The following NRG1 variants were observed in gnomAD, a reference collection of about 807,000 sequenced individuals.
The protein encoded by NRG1 is neuregulin 1, also known as pro-neuregulin-1, membrane-bound isoform.
Under a neutral mutation model 63.8 loss-of-function variants are expected in NRG1, and 18 were observed. The ratio of observed to expected loss-of-function variants is 0.28; its 90% CI spans 0.19 to 0.42. NRG1 has a LOEUF of 0.42. Among genes scored for constraint, NRG1 ranks in the 10% least tolerant of loss-of-function variants. The pLI, the probability that NRG1 is intolerant of heterozygous loss-of-function variation, is 1.00. For synonymous variants in NRG1, 302 were observed against 301.3 expected (o/e 1.00, Z -0.02); for missense variants, 762 against 814.7 (o/e 0.94, Z 0.79).
intron 1 of NRG1, among the ~76,000 whole-genome samples, chr8:31,919,841 ATATCT>A (rs1833753151): frequency 6.6e-6 from 1 of 152,174 alleles, no homozygotes; most frequent in South Asian, 2.1e-4. Flanking sequence ...GGTCCGGGTC[ATATCT>A]TATAATTTGT....
intron 1 of NRG1, among the ~76,000 whole-genome samples, chr8:32,290,337 A>G (rs1200865609): frequency 6.6e-6 from 1 of 152,190 alleles, no homozygotes; most frequent in Admixed American, 6.5e-5. Flanking sequence ...AATTATGTAT[A>G]CAATTATATA....
At chr8:31,914,744 T>C (rs1248683746) in intron 1 of NRG1, among the ~76,000 whole-genome samples, 1 of 150,968 alleles carries the variant, frequency 6.6e-6, no homozygotes, top group Non-Finnish European at 1.5e-5. Flanking sequence ...TCAAATAATC[T>C]TTTTTTTTCA....
intron 1 of NRG1, among the ~76,000 whole-genome samples, chr8:32,422,945 A>T (rs1816877049): frequency 6.6e-6 from 1 of 152,192 alleles, no homozygotes. Context: ...ACATGGTTTA[A>T]ATTACTCTCT....
At chr8:32,044,850 G>T (rs1820680544) in intron 1 of NRG1, among the ~76,000 whole-genome samples, 1 of 122,992 alleles carries the variant, frequency 8.1e-6, no homozygotes, top group African/African-American at 3.1e-5. Flanking sequence ...CTCATGTTAT[G>T]AGAAAATAAG....
intron 1 of NRG1, among the ~76,000 whole-genome samples, chr8:31,653,955 C>CTTT (rs35705418): frequency 6.8e-6 from 1 of 146,860 alleles, no homozygotes; most frequent in Non-Finnish European, 1.5e-5. Context: ...TCATGATGCG[C>CTTT]TTTTTTTTTT....
chr8:32,649,509 G>C (rs1353356315), intron 5 of NRG1, among the ~76,000 whole-genome samples: 1 of 152,108 alleles, frequency 6.6e-6, no homozygotes, highest in African/African-American at 2.4e-5. Context: ...AAAGCTCTTA[G>C]GGTTAAAAGA....
At chr8:32,119,229 T>C (rs1833129036) in intron 1 of NRG1, among the ~76,000 whole-genome samples, 2 of 152,116 alleles carry the variant, frequency 1.3e-5, no homozygotes, top group Non-Finnish European at 2.9e-5. Flanking sequence ...AAATCCTACC[T>C]ACAACCCATG....
chr8:32,629,053 T>G (rs958990483), intron 5 of NRG1, among the ~76,000 whole-genome samples: 1 of 152,152 alleles, frequency 6.6e-6, no homozygotes, highest in African/African-American at 2.4e-5. Context: ...TTTTTAAGGT[T>G]TCTAGAACAT....
chr8:32,048,801 T>G (rs899120993), intron 1 of NRG1, among the ~76,000 whole-genome samples: 1 of 151,964 alleles, frequency 6.6e-6, no homozygotes, highest in East Asian at 1.9e-4. Context: ...ATTTTGCCCG[T>G]TTTTTAATCG....
intron 1 of NRG1, among the ~76,000 whole-genome samples, chr8:32,430,241 T>C (rs761714345): frequency 4.6e-5 from 7 of 152,194 alleles, no homozygotes; most frequent in Non-Finnish European, 8.8e-5. Context: ...CCCTTCAAGA[T>C]GCCCTTAAGA....
chr8:32,183,065 T>C (rs1298304374), intron 1 of NRG1, among the ~76,000 whole-genome samples: 1 of 152,228 alleles, frequency 6.6e-6, no homozygotes, highest in East Asian at 1.9e-4. Context: ...CATAGTTAGA[T>C]TTCTCATTTT....
At chr8:31,662,054 G>A (rs1806042424) in intron 1 of NRG1, among the ~76,000 whole-genome samples, 1 of 152,210 alleles carries the variant, frequency 6.6e-6, no homozygotes, top group African/African-American at 2.4e-5. Context: ...CACACAATGG[G>A]CCTCAGGGAG....
chr8:32,348,710 G>A (rs1805220728), intron 1 of NRG1, among the ~76,000 whole-genome samples: 1 of 152,156 alleles, frequency 6.6e-6, no homozygotes, highest in African/African-American at 2.4e-5. Context: ...AGGTGAAATA[G>A]GCTATGTGTT....
At chr8:31,974,793 T>C (rs987865522) in intron 1 of NRG1, among the ~76,000 whole-genome samples, 1 of 152,232 alleles carries the variant, frequency 6.6e-6, no homozygotes, top group Non-Finnish European at 1.5e-5. Context: ...TCTTTGGTTA[T>C]TTTAAAGCTG....
Position 32,742,004 on chromosome 8 carries a change from C to A in NRG1, c.633-671C>A. ...TTTTTGCTTACCACATTTTTGCCCT[C>A]TAGGTGCCAACCTGGATTCACTGGA... is the stretch of plus-strand genomic sequence containing the variant. On this transcript the variant is annotated intron_variant, in intron 6 of 11. Coordinates refer to ENST00000356819, the Ensembl canonical transcript of NRG1. The surrounding 1 kb of genome is among the most constrained non-coding windows in gnomAD (Gnocchi z 4.2). The A allele has an allele frequency of 6.2e-7, 1 of 1,612,662 alleles. No homozygotes were observed. The highest frequency in any genetic ancestry group is 8.5e-7 in the Non-Finnish European group (1 of 1,179,160).
rs550358019 is a variant in NRG1, at chr8:31,915,675, A to T, written c.37+276244A>T. Among the ~76,000 whole-genome samples the T allele has an allele frequency of 2.0e-4, 30 of 152,230 alleles. No homozygotes were observed. The South Asian group carries it at 6.2e-3, about 32-fold the overall frequency. On this transcript the variant is annotated intron_variant, in intron 1 of 10. Coordinates refer to the NRG1 transcript ENST00000519301. ...CTCTATAAATATATGCTCATTTTAT[A>T]TCCTTTACAATCTGTTTCCTAGATT...
chr8:32,296,886 G>A (rs555955036), intron 1 of NRG1, among the ~76,000 whole-genome samples: 1 of 152,184 alleles, frequency 6.6e-6, no homozygotes, highest in Non-Finnish European at 1.5e-5. Context: ...GGAGGCCAAG[G>A]CGGGTGGATC....
intron 5 of NRG1, among the ~76,000 whole-genome samples, chr8:32,700,076 A>C (rs1814441786): frequency 6.6e-6 from 1 of 151,708 alleles, no homozygotes; most frequent in Non-Finnish European, 1.5e-5. Context: ...CCATTAGCAG[A>C]CCCCCTCCCA....
intron 1 of NRG1, among the ~76,000 whole-genome samples, chr8:32,357,790 T>A (rs1806647689): frequency 6.6e-6 from 1 of 152,214 alleles, no homozygotes. Flanking sequence ...AATAGAAAAA[T>A]TTATAAGACA....
Sources: gnomAD v4.1 joint callset for allele counts (sites outside exome capture counted in the v4.1 genomes callset) on GRCh38, gnomAD v4.1.1 for gene constraint, Gnocchi (gnomAD v3.1) non-coding constraint, MANE v1.5 for transcripts, NCBI Gene and HGNC (gene_info 2026-07-23, HGNC 2026-07-21) for gene names.